GPC6: variants seen among roughly 807,000 people sequenced by gnomAD.
GPC6 encodes the protein glypican 6.
Under a neutral mutation model 55.2 loss-of-function variants are expected in GPC6, and 14 were observed. The ratio of observed to expected loss-of-function variants is 0.25; its 90% confidence interval spans 0.17 to 0.40. The LOEUF (loss-of-function observed/expected upper bound fraction) is 0.40. GPC6 is among the 10% of genes least tolerant of loss of function. The pLI, the probability that GPC6 is intolerant of heterozygous loss-of-function variation, is 1.00. For missense variants in GPC6, 641 were observed against 708.5 expected (o/e 0.90, Z 1.08); for synonymous variants, 278 against 259.6 (o/e 1.07, Z -0.68).
chr13:93,972,466 G>A (rs1319962553), intron 3 of GPC6, among the ~76,000 whole-genome samples: 2 of 152,030 alleles, frequency 1.3e-5, no homozygotes, highest in African/African-American at 4.8e-5. Flanking sequence ...ATCATTTCTG[G>A]AGATGTTTTG....
chr13:93,288,163 T>C (rs1367381427), intron 1 of GPC6, among the ~76,000 whole-genome samples: 1 of 152,150 alleles, frequency 6.6e-6, no homozygotes, highest in Non-Finnish European at 1.5e-5. Flanking sequence ...TAATTAAAAA[T>C]AATTAGCAGA....
intron 2 of GPC6, among the ~76,000 whole-genome samples, chr13:93,608,673 G>A (rs910172078): frequency 2.6e-5 from 4 of 152,140 alleles, no homozygotes; most frequent in Non-Finnish European, 5.9e-5. Context: ...AGAAAAGAAG[G>A]CAAGTCCTAG....
chr13:93,263,581 T>G (rs1877224811), intron 1 of GPC6, among the ~76,000 whole-genome samples: 1 of 152,118 alleles, frequency 6.6e-6, no homozygotes, highest in South Asian at 2.1e-4. Flanking sequence ...GGCAGGCTGA[T>G]CTCGAACTCC....
intron 1 of GPC6, among the ~76,000 whole-genome samples, chr13:93,469,782 T>C (rs1594192237): frequency 6.6e-6 from 1 of 151,684 alleles, no homozygotes; most frequent in East Asian, 1.9e-4. Flanking sequence ...GTATGAAATT[T>C]ACACTAGGTT....
In GPC6 at chr13:93,227,702, C is replaced by G; in HGVS notation, c.160+86C>G. ...CCGCCCGGCGTCCCCTTCCTTCCCC[C>G]TGTTGCTGAGTTGGTGCTCACTTTC... On this transcript the variant is annotated intron_variant, in intron 1 of 8. Transcript: ENST00000377047. This position sits in a 1 kb window ranked among gnomAD's most constrained non-coding sequence, Gnocchi z 4.3. The G allele has an allele frequency of 9.0e-7, 1 of 1,110,176 alleles. No individual in the cohort carries two copies. The highest frequency in any genetic ancestry group is 1.3e-6 in the Non-Finnish European group (1 of 773,606). 68.8% of individuals were successfully genotyped at this position (1,110,176 alleles called of 1,614,324 possible).
At chr13:94,008,872 A>G (rs1365754013) in intron 3 of GPC6, among the ~76,000 whole-genome samples, 1 of 152,176 alleles carries the variant, frequency 6.6e-6, no homozygotes, top group Non-Finnish European at 1.5e-5. Flanking sequence ...TATTTCCATT[A>G]TAATTCCCCT....
intron 2 of GPC6, among the ~76,000 whole-genome samples, chr13:93,799,327 A>T (rs1886298496): frequency 6.6e-6 from 1 of 152,182 alleles, no homozygotes. Flanking sequence ...GATTTATGAT[A>T]TGTATCAGTG....
intron 6 of GPC6, among the ~76,000 whole-genome samples, chr13:94,336,687 C>T (rs897552886): frequency 6.6e-6 from 1 of 151,620 alleles, no homozygotes; most frequent in Non-Finnish European, 1.5e-5. Context: ...TCTGCAACAA[C>T]AACAACAACA....
At chr13:93,787,954 G>A (rs1885867195) in intron 2 of GPC6, among the ~76,000 whole-genome samples, 1 of 152,298 alleles carries the variant, frequency 6.6e-6, no homozygotes, top group Admixed American at 6.5e-5. Flanking sequence ...AAATGGATAT[G>A]TAGAGCTGCC....
chr13:94,373,054 C>G (rs534481695), intron 6 of GPC6, among the ~76,000 whole-genome samples: 1 of 152,092 alleles, frequency 6.6e-6, no homozygotes, highest in Non-Finnish European at 1.5e-5. Context: ...CACACCAAAA[C>G]CCCATCTGTA....
rs74447859 is a variant in GPC6 at position 94,058,136 on chromosome 13, T to G, written c.877+30242T>G. Among the ~76,000 whole-genome samples, 850 of 152,314 alleles carry G rather than the reference T, an allele frequency of 5.6e-3. 12 individuals carry two copies. The highest frequency in any genetic ancestry group is 0.02 in the African/African-American group (817 of 41,578). ...CTTTACGGAAGTAAGATCATAATGCTCAGGACTTCCCCAAAATTCCATTTA... is the reference window on the plus strand; with the variant it reads ...CTTTACGGAAGTAAGATCATAATGCGCAGGACTTCCCCAAAATTCCATTTA... On this transcript the variant is annotated intron_variant, in intron 4 of 8. Transcript: ENST00000377047.
intron 2 of GPC6, among the ~76,000 whole-genome samples, chr13:93,586,825 G>A (rs755996328): frequency 3.3e-5 from 5 of 152,184 alleles, no homozygotes; most frequent in Non-Finnish European, 7.3e-5. Flanking sequence ...TGATGTTACA[G>A]CTTAGCTTCA....
intron 2 of GPC6, among the ~76,000 whole-genome samples, chr13:93,777,656 G>C (rs1885513173): frequency 6.6e-6 from 1 of 152,076 alleles, no homozygotes; most frequent in South Asian, 2.1e-4. Flanking sequence ...TTATTTTATA[G>C]GTTTACGTGA....
At chr13:93,638,366 CTG>C (rs763752697) in intron 2 of GPC6, among the ~76,000 whole-genome samples, 8 of 152,048 alleles carry the variant, frequency 5.3e-5, no homozygotes, top group Non-Finnish European at 1.2e-4. Context: ...AGACAATAGA[CTG>C]TTAAATTTAT....
intron 3 of GPC6, among the ~76,000 whole-genome samples, chr13:93,885,755 G>A (rs1875286406): frequency 1.3e-5 from 2 of 152,068 alleles, no homozygotes; most frequent in African/African-American, 4.8e-5. Flanking sequence ...AGACAGAACA[G>A]GGCTTTCATT....
chr13:94,191,659 A>C (rs1202955058), intron 4 of GPC6, among the ~76,000 whole-genome samples: 2 of 152,160 alleles, frequency 1.3e-5, no homozygotes, highest in Non-Finnish European at 2.9e-5. Flanking sequence ...GTAAAAAAAA[A>C]AATTGAGACT....
chr13:93,457,004 G>A (rs1054975514), intron 1 of GPC6, among the ~76,000 whole-genome samples: 1 of 152,138 alleles, frequency 6.6e-6, no homozygotes, highest in African/African-American at 2.4e-5. Flanking sequence ...CAGATCCGAT[G>A]ATTTTACAAG....
At chr13:93,219,074 C>T in the GPC6 span, among the ~76,000 whole-genome samples, 1 of 150,100 alleles carries the variant, frequency 6.7e-6, no homozygotes, top group Non-Finnish European at 1.5e-5. Flanking sequence ...TTTCTCCTAC[C>T]CTGTCTTTCT....
chr13:93,737,837 G>A (rs1021767869), intron 2 of GPC6, among the ~76,000 whole-genome samples: 3 of 152,018 alleles, frequency 2.0e-5, no homozygotes, highest in East Asian at 3.9e-4. Context: ...ATTTGAATTT[G>A]CTGTTAGTCT....
Sources: gnomAD v4.1 joint callset for allele counts (sites outside exome capture counted in the v4.1 genomes callset) on GRCh38, gnomAD v4.1.1 for gene constraint, Gnocchi (gnomAD v3.1) non-coding constraint, MANE v1.5 for transcripts, NCBI Gene and HGNC (gene_info 2026-07-23, HGNC 2026-07-21) for gene names.